Variants in ARID1A observed in about 807,000 individuals in gnomAD.
ARID1A encodes AT-rich interactive domain-containing protein 1A.
Under a neutral mutation model 212.6 loss-of-function variants are expected in ARID1A, and 20 were observed. The ratio of observed to expected loss-of-function variants is 0.09; its 90% confidence interval spans 0.07 to 0.14. The LOEUF is 0.14. ARID1A is among the 10% of genes least tolerant of loss of function. ARID1A has a pLI of 1.00. For missense variants in ARID1A, 2,587 were observed against 3,059.0 expected (o/e 0.85, Z 3.64); for synonymous variants, 1,376 against 1,222.1 (o/e 1.13, Z -2.63).
chr1:26,763,495 G>A (rs909944877), intron 8 of ARID1A, among the ~76,000 whole-genome samples: 4 of 152,174 alleles, frequency 2.6e-5, no homozygotes, highest in Non-Finnish European at 5.9e-5. Flanking sequence ...GTTTTTGGCC[G>A]GGCGTGGCGG....
intron 1 of ARID1A, among the ~76,000 whole-genome samples, chr1:26,713,027 T>C (rs1005801529): frequency 6.6e-6 from 1 of 152,246 alleles, no homozygotes; most frequent in African/African-American, 2.4e-5. Context: ...GTAGCTGTGA[T>C]CACTGGGACC....
chr1:26,749,911 G>A (rs1345820026), intron 4 of ARID1A, among the ~76,000 whole-genome samples: 1 of 152,230 alleles, frequency 6.6e-6, no homozygotes, highest in Non-Finnish European at 1.5e-5. Flanking sequence ...TAGGATGGGG[G>A]AATAGAGATT....
chr1:26,698,323 C>T (rs920375363), intron 1 of ARID1A, among the ~76,000 whole-genome samples: 3 of 152,208 alleles, frequency 2.0e-5, no homozygotes, highest in Non-Finnish European at 2.9e-5. Context: ...TTATAATTGC[C>T]TCTGATGTAA....
chr1:26,718,179 T>G (rs1214229644), intron 1 of ARID1A, among the ~76,000 whole-genome samples: 3 of 152,144 alleles, frequency 2.0e-5, no homozygotes, highest in Admixed American at 6.5e-5. Context: ...TTCTCCATGT[T>G]GGCCAGGCTG....
chr1:26,712,291 A>C (rs1368636967), intron 1 of ARID1A, among the ~76,000 whole-genome samples: 2 of 152,256 alleles, frequency 1.3e-5, no homozygotes, highest in Non-Finnish European at 2.9e-5. Context: ...GTAAGCCTTT[A>C]TTGACCTCTC....
intron 4 of ARID1A, among the ~76,000 whole-genome samples, chr1:26,751,132 G>T (rs1379549895): frequency 6.6e-6 from 1 of 151,990 alleles, no homozygotes; most frequent in Non-Finnish European, 1.5e-5. Flanking sequence ...GCGAGGGTCT[G>T]TAATCCCAGC....
At chr1:26,756,428 C>T (rs867112754) in intron 4 of ARID1A, among the ~76,000 whole-genome samples, 6 of 151,754 alleles carry the variant, frequency 4.0e-5, no homozygotes, top group Middle Eastern at 3.4e-3. Context: ...TGGTGGTGCA[C>T]GCCTGTAATC....
chr1:26,711,944 T>C (rs1022949580), intron 1 of ARID1A, among the ~76,000 whole-genome samples: 2 of 151,814 alleles, frequency 1.3e-5, no homozygotes, highest in Non-Finnish European at 2.9e-5. Context: ...CAGCCAGGCA[T>C]GGTGATGCGC....
Position 26,761,378 on chromosome 1 carries a change from G to T in ARID1A, c.2162-6G>T, listed in dbSNP as rs2124059060. 6.2e-7 allele frequency: 1 copy of T among 1,614,092 alleles called. No homozygotes were observed. The highest frequency in any genetic ancestry group is 2.2e-5 in the East Asian group (1 of 44,882). The stretch of plus-strand genomic sequence containing the variant: ...ATATGCTTATGTTGTTCTTTGTCTG[G>T]AGCAGGCAACCAGATGCCACCTCGG... On this transcript the variant is annotated splice_polypyrimidine_tract_variant and splice_region_variant and intron_variant, in intron 5 of 19. Transcript: ENST00000324856.
At position 26,696,548 on chromosome 1, in the gene ARID1A, G is replaced by A. The variant is rs2124740414; in HGVS notation, c.145G>A (p.Glu49Lys). The A allele has an allele frequency of 8.1e-7, 1 of 1,230,548 alleles. No homozygotes were observed. The highest frequency in any genetic ancestry group is 1.0e-6 in the Non-Finnish European group (1 of 989,932). The allele number at this position is 1,230,548 out of a possible 1,614,324, so 76.2% of individuals were successfully genotyped here. ...GGCGGCGGCAGCGGCCGAGCGCGGG[G>A]AAATGAAGGCAGCCGCCGGGCAGGA... ...AAAAAAAERG[E>K]MKAAAGQESE... The change falls in exon 1 of 20, where the codon GAA becomes AAA. Residue 49 changes from glutamate to lysine, a missense_variant. Physicochemically the swap from Glu to Lys is moderately conservative, Grantham distance 56 (BLOSUM62 1). Coordinates refer to ENST00000324856, the MANE Select transcript of ARID1A (RefSeq NM_006015.6).
At position 26,699,624 on chromosome 1, in the gene ARID1A, T is replaced by C. The variant is rs191049095; in HGVS notation, c.1137+2084T>C. 2.8e-3 allele frequency among the ~76,000 whole-genome samples: 426 copies of C among 152,354 alleles called. 2 individuals carry two copies. The highest frequency in any genetic ancestry group is 9.7e-3 in the African/African-American group (403 of 41,580). The stretch of plus-strand genomic sequence containing the variant: ...AATGTTACATTGTTTTTCTAGTGTC[T>C]GGAGGAAAAGTTTTGTCTTAAAAGA... On this transcript the variant is annotated intron_variant, in intron 1 of 19. Coordinates refer to ENST00000324856, the MANE Select transcript of ARID1A (RefSeq NM_006015.6).
intron 1 of ARID1A, among the ~76,000 whole-genome samples, chr1:26,709,333 T>A (rs1437242957): frequency 6.6e-6 from 1 of 152,094 alleles, no homozygotes; most frequent in Non-Finnish European, 1.5e-5. Context: ...GATACCACTA[T>A]TCCCACCTTC....
Position 26,774,465 on chromosome 1 carries a change from C to T in ARID1A, c.4238C>T (p.Ala1413Val), listed in dbSNP as rs2124117958. The stretch of plus-strand genomic sequence containing the variant: ...TTGCCCCCAGCCCAGCCCCAGCCTG[C>T]CAGCCAGCAACAAGCTGCCCAGCCT... The part of the protein sequence containing the change: ...QQLPPAQPQP[A>V]SQQQAAQPSP... Residue 1413 changes from alanine (A) to valine (V), a missense_variant, in exon 18 of 20, where the codon GCC becomes GTC. By Grantham distance (64) the Ala-to-Val change is moderately conservative (BLOSUM62 0). Transcript: ENST00000324856. The surrounding 1 kb of genome is among the most constrained non-coding windows in gnomAD (Gnocchi z 5.6). The T allele has an allele frequency of 6.2e-7, 1 of 1,613,690 alleles. No homozygotes were observed. The highest frequency in any genetic ancestry group is 8.5e-7 in the Non-Finnish European group (1 of 1,179,782).
At chr1:26,720,694 TG>T (rs940185573) in intron 1 of ARID1A, among the ~76,000 whole-genome samples, 112 of 151,842 alleles carry the variant, frequency 7.4e-4, no homozygotes, top group Admixed American at 7.2e-4. Flanking sequence ...CCTGGGAACA[TG>T]GTGAAACCCC....
chr1:26,757,863 C>T (rs955417569), intron 4 of ARID1A, among the ~76,000 whole-genome samples: 38 of 152,178 alleles, frequency 2.5e-4, no homozygotes, highest in Admixed American at 7.2e-4. Flanking sequence ...TGGTCTTGAA[C>T]TCCTGACCTC....
rs2124766709 is a variant in ARID1A at position 26,713,615 on chromosome 1, C to T, written c.1138-16036C>T. 2.0e-5 allele frequency among the ~76,000 whole-genome samples: 3 copies of T among 152,284 alleles called. No homozygotes were observed. The South Asian group carries it at 6.2e-4, about 32-fold the overall frequency. On this transcript the variant is annotated intron_variant, in intron 1 of 19. Coordinates refer to ENST00000324856, the MANE Select transcript of ARID1A (RefSeq NM_006015.6). The stretch of plus-strand genomic sequence containing the variant: ...CCTCAAGTAATCTGCCTGCCTCGGC[C>T]TCCCAGAGTGCTGGGATTACAGGCG...
At chr1:26,704,138 A>G (rs2080364755) in intron 1 of ARID1A, among the ~76,000 whole-genome samples, 1 of 152,172 alleles carries the variant, frequency 6.6e-6, no homozygotes, top group African/African-American at 2.4e-5. Context: ...CAGTGTTCCA[A>G]TGACTTTGAG....
Position 26,773,864 on chromosome 1 carries a change from G to C in ARID1A, c.4067G>C (p.Ser1356Thr). The C allele has an allele frequency of 6.2e-7, 1 of 1,614,178 alleles. No homozygotes were observed. Among genetic ancestry groups the C allele is most frequent in the Non-Finnish European group, 8.5e-7 (1 of 1,180,030 alleles). ...ACCCCTTCTGGCAGCCCCTTCCCCA[G>C]CCAGCAGACTACAATGTATCAACAG... ...QGTPSGSPFP[S>T]QQTTMYQQQQ... The change falls in exon 17 of 20, where the codon AGC becomes ACC. Residue 1356 changes from serine (S) to threonine (T), a missense_variant. Transcript: ENST00000324856.
intron 4 of ARID1A, among the ~76,000 whole-genome samples, chr1:26,744,894 A>G (rs1372700453): frequency 6.7e-6 from 1 of 149,964 alleles, no homozygotes; most frequent in Non-Finnish European, 1.5e-5. Context: ...GTAAAAAGGG[A>G]AGAAGTGAAG....
Sources: gnomAD v4.1 joint callset for allele counts (sites outside exome capture counted in the v4.1 genomes callset) on GRCh38, gnomAD v4.1.1 for gene constraint, Gnocchi (gnomAD v3.1) non-coding constraint, MANE v1.5 for transcripts, NCBI Gene and HGNC (gene_info 2026-07-23, HGNC 2026-07-21) for gene names.